The following MCCC2 variants were observed in gnomAD, a reference collection of about 807,000 sequenced individuals.
MCCC2 encodes methylcrotonoyl-CoA carboxylase beta chain, mitochondrial.
A neutral mutation model predicts 77.2 loss-of-function variants in MCCC2; 52 were observed. That is an observed-to-expected ratio of 0.67 (90% confidence interval 0.54 to 0.85). The LOEUF (loss-of-function observed/expected upper bound fraction) is 0.85. Among genes scored for constraint, MCCC2 ranks in the 40% least tolerant of loss-of-function variants. The probability of loss-of-function intolerance (pLI) is 0.00; values close to 1 mark genes in which losing one functional copy is unlikely to be tolerated. For missense variants in MCCC2, 682 were observed against 703.2 expected (o/e 0.97, Z 0.34); for synonymous variants, 253 against 248.4 (o/e 1.02, Z -0.18).
At chr5:71,630,275 T>C (rs566929423) in intron 7 of MCCC2, among the ~76,000 whole-genome samples, 1 of 152,264 alleles carries the variant, frequency 6.6e-6, no homozygotes, top group Non-Finnish European at 1.5e-5. Context: ...TTTTAGTAGC[T>C]TAGAGTAGTT....
intron 12 of MCCC2, 33 bp downstream of exon 12, chr5:71,643,928 T>G: frequency 6.2e-7 from 1 of 1,613,012 alleles, no homozygotes; most frequent in Non-Finnish European, 8.5e-7. Context: ...CAAGATTTTC[T>G]GTTTTAATTT....
chr5:71,654,219 A>G (rs1561849920), intron 16 of MCCC2, among the ~76,000 whole-genome samples: 1 of 152,156 alleles, frequency 6.6e-6, no homozygotes, highest in Non-Finnish European at 1.5e-5. Flanking sequence ...CTGGTCTTGA[A>G]TGCCTGAGCT....
At chr5:71,609,573 A>C (rs1422654920) in intron 6 of MCCC2, among the ~76,000 whole-genome samples, 2 of 149,768 alleles carry the variant, frequency 1.3e-5, no homozygotes, top group Non-Finnish European at 1.5e-5. Flanking sequence ...CAGCTCATCA[A>C]AGTCATTCCC....
chr5:71,591,375 C>T (rs1580266787), intron 1 of MCCC2, among the ~76,000 whole-genome samples: 1 of 151,264 alleles, frequency 6.6e-6, no homozygotes, highest in Non-Finnish European at 1.5e-5. Context: ...TTCTCACTGT[C>T]AATATTTCCT....
At chr5:71,646,401 C>A in intron 13 of MCCC2, 124 bp downstream of exon 13, 3 of 821,910 alleles carry the variant, frequency 3.7e-6, no homozygotes, top group Non-Finnish European at 6.2e-6. Context: ...ACTGGACATG[C>A]TCTTTCTGGA....
At chr5:71,603,127 T>G (rs1745508826) in intron 5 of MCCC2, 1 of 166,034 alleles carries the variant, frequency 6.0e-6, no homozygotes, top group Admixed American at 6.0e-5. Flanking sequence ...AAAATGGGCC[T>G]TTCCTCCGGG....
intron 12 of MCCC2, among the ~76,000 whole-genome samples, chr5:71,644,362 A>G (rs1747221663): frequency 6.6e-6 from 1 of 152,036 alleles, no homozygotes; most frequent in African/African-American, 2.4e-5. Flanking sequence ...CTTCTATCCC[A>G]TTATCGCTTT....
intron 2 of MCCC2, among the ~76,000 whole-genome samples, chr5:71,595,543 A>G (rs886398141): frequency 6.6e-6 from 1 of 152,192 alleles, no homozygotes; most frequent in African/African-American, 2.4e-5. Flanking sequence ...GACAAAGACT[A>G]TATTAAGATG....
intron 5 of MCCC2, among the ~76,000 whole-genome samples, chr5:71,603,616 A>G (rs1476364483): frequency 6.6e-6 from 1 of 152,094 alleles, no homozygotes. Flanking sequence ...GAAAACAGCA[A>G]ATGAGGCCCA....
At chr5:71,596,856 C>T (rs1745209975) in intron 3 of MCCC2, among the ~76,000 whole-genome samples, 2 of 152,018 alleles carry the variant, frequency 1.3e-5, no homozygotes, top group Admixed American at 1.3e-4. Flanking sequence ...AGGAGAGTCG[C>T]TCGAACCCCA....
rs369549193 is a variant in MCCC2 at position 71,612,558 on chromosome 5, A to G, written c.624+8090A>G. ...TCTTTTAGAGAAACAGGATCTTGCT[A>G]TGTTGGCCAGGCTGGTCTCAAATTC... On this transcript the variant is annotated intron_variant, in intron 6 of 16. Transcript: ENST00000340941. Among the ~76,000 whole-genome samples the G allele has an allele frequency of 1.1e-4, 16 of 152,230 alleles. 1 individual carries two copies. Among genetic ancestry groups the G allele is most frequent in the African/African-American group, 3.6e-4 (15 of 41,532 alleles).
chr5:71,637,061 A>T (rs914652207), intron 10 of MCCC2, among the ~76,000 whole-genome samples: 7 of 151,954 alleles, frequency 4.6e-5, no homozygotes, highest in East Asian at 1.9e-4. Flanking sequence ...ACATTCTTTT[A>T]AAAAAAATGT....
intron 6 of MCCC2, among the ~76,000 whole-genome samples, chr5:71,611,543 A>G (rs1191917952): frequency 6.6e-6 from 1 of 152,250 alleles, no homozygotes; most frequent in Non-Finnish European, 1.5e-5. Flanking sequence ...TGCATCTGTC[A>G]ATATAAGTCT....
chr5:71,596,431 G>A, intron 3 of MCCC2, 67 bp downstream of exon 3: 2 of 1,339,338 alleles, frequency 1.5e-6, no homozygotes, highest in Non-Finnish European at 2.1e-6. Flanking sequence ...AGACAGTCTT[G>A]TAAATCAGTT....
intron 7 of MCCC2, among the ~76,000 whole-genome samples, chr5:71,629,233 A>G (rs1746633243): frequency 1.3e-5 from 2 of 152,094 alleles, no homozygotes; most frequent in Admixed American, 6.6e-5. Flanking sequence ...AGAAACAGAA[A>G]AGGACAAATA....
rs148369119 is a variant in MCCC2 at position 71,649,090 on chromosome 5, C to G, written c.1217-7C>G. 523 of 1,614,172 alleles carry G rather than the reference C, an allele frequency of 3.2e-4. No individual in the cohort carries two copies. In the African/African-American group the frequency reaches 5.6e-3, roughly 17 times the overall value. ...CCCAGAGGCTCTCTTTCTGATCTTT[C>G]TCTCAGGATTTATGGTTGGTAGAGA... is the stretch of plus-strand genomic sequence containing the variant. On this transcript the variant is annotated splice_polypyrimidine_tract_variant and splice_region_variant and intron_variant, in intron 13 of 16. Transcript: ENST00000340941.
At position 71,649,105 on chromosome 5, in the gene MCCC2, G is replaced by A. The variant is rs1373747202; in HGVS notation, c.1225G>A (p.Val409Ile). ...LFLQNITGFM[V>I]GREYEAEGIA... ...TCTGATCTTTCTCTCAGGATTTATG[G>A]TTGGTAGAGAGTATGAAGCTGAAGG... The change falls in exon 14 of 17, where the codon GTT becomes ATT. Residue 409 changes from valine (V) to isoleucine (I), a missense_variant. Coordinates refer to ENST00000340941, the MANE Select transcript of MCCC2 (RefSeq NM_022132.5). 3 of 1,614,264 alleles carry A rather than the reference G, an allele frequency of 1.9e-6. No homozygotes were observed. Among genetic ancestry groups the A allele is most frequent in the East Asian group, 2.2e-5 (1 of 44,886 alleles).
intron 3 of MCCC2, among the ~76,000 whole-genome samples, chr5:71,597,908 G>C (rs1745251451): frequency 6.6e-6 from 1 of 152,086 alleles, no homozygotes; most frequent in African/African-American, 2.4e-5. Flanking sequence ...CTGGCCCCTG[G>C]GGCAAGATTG....
chr5:71,651,691 T>G (rs1414031431), intron 15 of MCCC2, among the ~76,000 whole-genome samples: 1 of 152,220 alleles, frequency 6.6e-6, no homozygotes, highest in African/African-American at 2.4e-5. Context: ...AGACTTACAT[T>G]GAGGTTTCAG....
Sources: allele counts gnomAD v4.1 joint callset (sites outside exome capture counted in the v4.1 genomes callset), GRCh38; gene constraint gnomAD v4.1.1; transcripts MANE v1.5; gene names NCBI Gene and HGNC (gene_info 2026-07-23, HGNC 2026-07-21).